SCFD1: variants seen among roughly 807,000 people sequenced by gnomAD.
SCFD1 encodes the protein sec1 family domain containing 1, also known as sec1 family domain-containing protein 1.
Under a neutral mutation model 103.2 loss-of-function variants are expected in SCFD1, and 37 were observed. The observed-to-expected ratio is 0.36, with a 90% CI of 0.28 to 0.47. The LOEUF is 0.47. Among genes scored for constraint, SCFD1 ranks in the 20% least tolerant of loss-of-function variants. The pLI is 1.00. For missense variants in SCFD1, 639 were observed against 761.2 expected, an observed-to-expected ratio of 0.84 and a Z score of 1.89; for synonymous variants, 264 against 245.0, an observed-to-expected ratio of 1.08 and a Z score of -0.73.
chr14:30,649,641 C>A, intron 8 of SCFD1, 58 bp downstream of exon 8: 1 of 1,237,634 alleles, frequency 8.1e-7, no homozygotes. Flanking sequence ...TGTTTTCCCA[C>A]AAGTAACGCA....
At chr14:30,708,972 A>G (rs776124548) in intron 19 of SCFD1, among the ~76,000 whole-genome samples, 1 of 152,180 alleles carries the variant, frequency 6.6e-6, no homozygotes, top group Non-Finnish European at 1.5e-5. Context: ...ATTTTCAAAT[A>G]TGCATTATCA....
At chr14:30,658,233 T>G in intron 10 of SCFD1, 2 of 319,232 alleles carry the variant, frequency 6.3e-6, no homozygotes, top group Non-Finnish European at 1.3e-5. Context: ...TGACTCTTAT[T>G]ATTTGAAACA....
chr14:30,733,058 T>C (rs1383669546), intron 23 of SCFD1, among the ~76,000 whole-genome samples: 1 of 151,146 alleles, frequency 6.6e-6, no homozygotes, highest in African/African-American at 2.4e-5. Context: ...CAGGCTGGAG[T>C]GCAGTGGCGC....
chr14:30,646,409 C>CTTTTTTTTTTTTTTTTT (rs1566592045), intron 7 of SCFD1, among the ~76,000 whole-genome samples: 1 of 151,874 alleles, frequency 6.6e-6, no homozygotes, highest in African/African-American at 2.4e-5. Flanking sequence ...GTTTTTAGTT[C>CTTTTTTTTTTTTTTTTT]TTTTTATGTA....
At chr14:30,624,362 G>A (rs921378744) in intron 1 of SCFD1, among the ~76,000 whole-genome samples, 3 of 152,164 alleles carry the variant, frequency 2.0e-5, no homozygotes, top group Non-Finnish European at 4.4e-5. Flanking sequence ...TTATCTGTAT[G>A]TTGATGATTC....
In SCFD1 at chr14:30,674,930, CTA is replaced by C. The variant is rs1227237496; in HGVS notation, c.1161-52_1161-51del. ...GGAAACACCAGGCATGAGATAAAGT[CTA>C]TGTCATTTTAGAAAATTTATTGGTT... is the stretch of plus-strand genomic sequence containing the variant. On this transcript the variant is annotated intron_variant, in intron 13 of 24. Transcript: ENST00000458591. 18 of 1,069,690 alleles carry C rather than the reference CTA, an allele frequency of 1.7e-5. No individual in the cohort carries two copies. The African/African-American group carries it at 2.7e-4, about 16-fold the overall frequency. 66.3% of individuals were successfully genotyped at this position (1,069,690 alleles called of 1,614,324 possible). A position where few individuals can be genotyped will look rare whatever the true frequency, so the allele number is the denominator to read the frequency against.
intron 1 of SCFD1, among the ~76,000 whole-genome samples, chr14:30,624,405 C>G (rs892010171): frequency 3.3e-5 from 5 of 152,196 alleles, no homozygotes; most frequent in Non-Finnish European, 7.3e-5. Flanking sequence ...GCCGTCCCAT[C>G]TGAACTCAGT....
chr14:30,677,844 T>C (rs2139237851), intron 14 of SCFD1, among the ~76,000 whole-genome samples: 1 of 129,792 alleles, frequency 7.7e-6, no homozygotes, highest in Non-Finnish European at 1.6e-5. Flanking sequence ...TTTTTTTTTT[T>C]TTTTTTTTTT....
rs182119670 is a variant in SCFD1, at chr14:30,649,270, C to T, written c.614-258C>T. ...CCTTTTGAGTACAGTGTTCACTGTT[C>T]GGGTGATGGGTGCACTAAAAGCCCA... On this transcript the variant is annotated intron_variant, in intron 7 of 24. Transcript: ENST00000458591. Among the ~76,000 whole-genome samples the T allele has an allele frequency of 3.0e-3, 449 of 152,066 alleles. 4 individuals carry two copies. Among genetic ancestry groups the T allele is most frequent in the African/African-American group, 0.01 (420 of 41,466 alleles).
At chr14:30,684,505 A>C (rs932545192) in intron 14 of SCFD1, among the ~76,000 whole-genome samples, 2 of 152,194 alleles carry the variant, frequency 1.3e-5, no homozygotes, top group African/African-American at 2.4e-5. Flanking sequence ...GAGGCAGTGT[A>C]CTGAAAAATG....
At chr14:30,657,075 C>G (rs371717623) in intron 10 of SCFD1, among the ~76,000 whole-genome samples, 19 of 152,124 alleles carry the variant, frequency 1.2e-4, no homozygotes, top group East Asian at 5.8e-4. Flanking sequence ...GCATAGCATA[C>G]AGATCACGGG....
chr14:30,707,355 T>C (rs1007531768), intron 18 of SCFD1, among the ~76,000 whole-genome samples: 15 of 152,172 alleles, frequency 9.9e-5, no homozygotes, highest in African/African-American at 3.6e-4. Flanking sequence ...AAGTCACTTA[T>C]TGGTGTTTTG....
chr14:30,667,751 AT>A (rs1405148749), intron 10 of SCFD1, among the ~76,000 whole-genome samples: 3 of 152,232 alleles, frequency 2.0e-5, no homozygotes, highest in Non-Finnish European at 1.5e-5. Context: ...AAGCATTCTT[AT>A]ACGCAAATAA....
intron 16 of SCFD1, 53 bp downstream of exon 16, chr14:30,700,311 A>G: frequency 9.3e-7 from 1 of 1,077,694 alleles, no homozygotes; most frequent in African/African-American, 1.6e-5. Context: ...TTTGTAGACT[A>G]CTACAATTCA....
chr14:30,682,007 G>A (rs1013778317), intron 14 of SCFD1, among the ~76,000 whole-genome samples: 1 of 152,112 alleles, frequency 6.6e-6, no homozygotes, highest in African/African-American at 2.4e-5. Flanking sequence ...TTATTATCTA[G>A]AGTGGAAAGA....
At chr14:30,623,583 T>C (rs1282729086) in intron 1 of SCFD1, among the ~76,000 whole-genome samples, 1 of 152,248 alleles carries the variant, frequency 6.6e-6, no homozygotes, top group African/African-American at 2.4e-5. Flanking sequence ...TTTAATACTG[T>C]GTTTCTGATG....
chr14:30,650,578 A>T lies in SCFD1; in HGVS notation c.683A>T (p.Lys228Ile). The T allele has an allele frequency of 6.2e-7, 1 of 1,605,144 alleles. No homozygotes were observed. Among genetic ancestry groups the T allele is most frequent in the Non-Finnish European group, 8.5e-7 (1 of 1,172,434 alleles). ...TTTATTTTTCAGAAACTAGACAAGA[A>T]ACTTCGAGAAAATCTAAGAGATGCA... ...AEMVAVKLDKKLRENLRDARN... is the reference protein window; with the variant it reads ...AEMVAVKLDKILRENLRDARN... Residue 228 changes from lysine to isoleucine, a missense_variant, in exon 9 of 25, where the codon AAA becomes ATA. Lys to Ile is a moderately radical substitution (Grantham distance 102). Transcript: ENST00000458591.
rs1365042593 is a variant in SCFD1 at position 30,650,610 on chromosome 14, A to G, written c.715A>G (p.Ser239Gly). The stretch of plus-strand genomic sequence containing the variant: ...AGAAAATCTAAGAGATGCAAGAAAC[A>G]GTCTTTTTACAGGTGATACACTTGG... ...LRENLRDARN[S>G]LFTGDTLGAG... is the part of the protein sequence containing the mutation. The change falls in exon 9 of 25, where the codon AGT (serine) becomes GGT (glycine). Residue 239 changes from serine to glycine, a missense_variant. Physicochemically the swap from Ser to Gly is moderately conservative, Grantham distance 56. Coordinates refer to ENST00000458591, the MANE Select transcript of SCFD1 (RefSeq NM_016106.4). 9 of 1,610,692 alleles carry G rather than the reference A, an allele frequency of 5.6e-6. No homozygotes were observed. Among genetic ancestry groups the G allele is most frequent in the Non-Finnish European group, 6.8e-6 (8 of 1,177,454 alleles).
At chr14:30,624,078 C>T (rs890417477) in intron 1 of SCFD1, among the ~76,000 whole-genome samples, 2 of 152,270 alleles carry the variant, frequency 1.3e-5, no homozygotes, top group Non-Finnish European at 2.9e-5. Flanking sequence ...GTGCCTGTTT[C>T]TTGCTTTGCC....
Sources: gnomAD v4.1 joint callset for allele counts (sites outside exome capture counted in the v4.1 genomes callset) on GRCh38, gnomAD v4.1.1 for gene constraint, MANE v1.5 for transcripts, NCBI Gene and HGNC (gene_info 2026-07-23, HGNC 2026-07-21) for gene names.